The following AP1G1 variants were observed in gnomAD, a reference collection of about 807,000 sequenced individuals.
AP1G1 encodes the protein AP-1 complex subunit gamma-1.
A neutral mutation model predicts 108.3 loss-of-function variants in AP1G1; 7 were observed. The ratio of observed to expected loss-of-function variants is 0.06; its 90% confidence interval spans 0.04 to 0.12. AP1G1 has a LOEUF of 0.12. Among genes scored for constraint, AP1G1 ranks in the 10% least tolerant of loss-of-function variants. AP1G1 has a pLI of 1.00. For synonymous variants in AP1G1, 379 were observed against 353.5 expected, an observed-to-expected ratio of 1.07 and a Z score of -0.81; for missense variants, 756 against 1,010.7, an observed-to-expected ratio of 0.75 and a Z score of 3.42.
intron 12 of AP1G1, among the ~76,000 whole-genome samples, chr16:71,754,392 G>T (rs1327862355): frequency 6.6e-6 from 1 of 152,028 alleles, no homozygotes; most frequent in Non-Finnish European, 1.5e-5. Context: ...AAAGAAAAGA[G>T]AAGAAAATCC....
chr16:71,789,993 C>T (rs1445057539), intron 1 of AP1G1, among the ~76,000 whole-genome samples: 1 of 151,958 alleles, frequency 6.6e-6, no homozygotes, highest in Non-Finnish European at 1.5e-5. Flanking sequence ...ATTCAACAAA[C>T]TGTAACCATC....
Position 71,801,300 on chromosome 16 carries a change from A to C in AP1G1, c.-4+7463T>G, listed in dbSNP as rs76963434. Among the ~76,000 whole-genome samples the C allele has an allele frequency of 1.6e-4, 24 of 150,856 alleles. No individual in the cohort carries two copies. In the South Asian group the frequency reaches 2.6e-3, roughly 16 times the overall value. On this transcript the variant is annotated intron_variant, in intron 1 of 22. Transcript: ENST00000299980. ...ATCTCAAAAAAAACAAACAAACAAA[A>C]AAAAAGAATTATATTTACTGACCAT...
At chr16:71,798,984 A>C (rs1012668454) in intron 1 of AP1G1, among the ~76,000 whole-genome samples, 4 of 152,174 alleles carry the variant, frequency 2.6e-5, no homozygotes, top group African/African-American at 9.7e-5. Context: ...CAGGAGGAAA[A>C]AAAAAGAGAA....
intron 3 of AP1G1, among the ~76,000 whole-genome samples, chr16:71,774,068 A>G (rs1466707303): frequency 7.3e-6 from 1 of 136,946 alleles, no homozygotes; most frequent in African/African-American, 2.7e-5. Flanking sequence ...TCTCAAAAAG[A>G]AAAAAAAAAA....
intron 8 of AP1G1, 59 bp from the exon 9 acceptor site, chr16:71,764,507 T>C (rs1490254013): frequency 2.1e-5 from 28 of 1,338,660 alleles, no homozygotes; most frequent in Non-Finnish European, 2.9e-5. Flanking sequence ...CCAAAACATA[T>C]TCACAGGTAA....
chr16:71,731,634 A>G lies in AP1G1; in HGVS notation c.*1424T>C, dbSNP rs1377907353. 2.0e-5 allele frequency: 3 copies of G among 152,670 alleles called. No individual in the cohort carries two copies. The highest frequency in any genetic ancestry group is 7.2e-5 in the African/African-American group (3 of 41,566). The allele number at this position is 152,670 out of a possible 1,614,324, so 9.5% of individuals were successfully genotyped here. A position where few individuals can be genotyped will look rare whatever the true frequency, so the allele number is the denominator to read the frequency against. On this transcript the variant is annotated 3_prime_UTR_variant, in exon 23 of 23. Transcript: ENST00000299980. ...GAGAGAGTCACCTCTACTTCATTCC[A>G]GCAACTCAATTTCAAAGTTTGATAA...
chr16:71,789,914 C>T (rs1042246030), intron 1 of AP1G1, among the ~76,000 whole-genome samples: 4 of 152,070 alleles, frequency 2.6e-5, no homozygotes, highest in South Asian at 4.1e-4. Context: ...TAAATATGGT[C>T]ACAATCATAG....
intron 11 of AP1G1, 109 bp from the exon 12 acceptor site, chr16:71,756,268 C>T: frequency 1.1e-6 from 1 of 876,394 alleles, no homozygotes; most frequent in South Asian, 2.2e-5. Flanking sequence ...GTGCTGACGT[C>T]CTTGCACGAT....
At chr16:71,734,382 A>C (rs1297606619) in intron 22 of AP1G1, among the ~76,000 whole-genome samples, 1 of 152,198 alleles carries the variant, frequency 6.6e-6, no homozygotes, top group East Asian at 1.9e-4. Flanking sequence ...CCAGACCTTT[A>C]ATCTAGCTTT....
chr16:71,754,540 T>C (rs1241028871), intron 12 of AP1G1, among the ~76,000 whole-genome samples: 3 of 152,224 alleles, frequency 2.0e-5, no homozygotes, highest in Non-Finnish European at 4.4e-5. Context: ...CTCATGCCTA[T>C]AATCCCAGTA....
intron 6 of AP1G1, among the ~76,000 whole-genome samples, chr16:71,768,836 T>G (rs1210380672): frequency 2.2e-5 from 3 of 133,860 alleles, no homozygotes; most frequent in Non-Finnish European, 4.6e-5. Context: ...GAGAATGGCA[T>G]GAACCCGGGA....
At chr16:71,804,213 A>G (rs1056456020) in intron 1 of AP1G1, among the ~76,000 whole-genome samples, 2 of 150,138 alleles carry the variant, frequency 1.3e-5, no homozygotes, top group Admixed American at 1.3e-4. Flanking sequence ...TGCCCAGCTA[A>G]TTTTTCTATT....
chr16:71,739,989 A>C (rs1430047230), intron 19 of AP1G1, among the ~76,000 whole-genome samples: 3 of 152,240 alleles, frequency 2.0e-5, no homozygotes, highest in African/African-American at 7.2e-5. Flanking sequence ...AGTGGAATTT[A>C]AAATTATAGT....
chr16:71,736,115 AAAATATAT>A (rs1372469643), intron 21 of AP1G1, among the ~76,000 whole-genome samples: 11 of 73,532 alleles, frequency 1.5e-4, no homozygotes, highest in Admixed American at 3.2e-4. Context: ...AAAAAAAAAA[AAAATATAT>A]ATATATATAT....
chr16:71,783,207 G>A (rs2032087414), intron 2 of AP1G1, among the ~76,000 whole-genome samples: 1 of 151,890 alleles, frequency 6.6e-6, no homozygotes, highest in South Asian at 2.1e-4. Context: ...TCACTTATTT[G>A]CAATAATGTA....
chr16:71,763,709 T>C (rs550366391), intron 9 of AP1G1, among the ~76,000 whole-genome samples: 1 of 152,308 alleles, frequency 6.6e-6, no homozygotes, highest in South Asian at 2.1e-4. Flanking sequence ...CTAGATACTA[T>C]AATGCTACCG....
intron 1 of AP1G1, among the ~76,000 whole-genome samples, chr16:71,796,166 G>A (rs901228395): frequency 4.6e-5 from 7 of 152,146 alleles, no homozygotes; most frequent in Admixed American, 3.9e-4. Flanking sequence ...TTGAGCCAAG[G>A]GGACTTGGGT....
Position 71,765,548 on chromosome 16 carries a change from T to C in AP1G1, c.679A>G (p.Ile227Val), listed in dbSNP as rs1187907636. The change falls in exon 7 of 23, where the codon ATC becomes GTC. Residue 227 changes from isoleucine to valine, a missense_variant. By Grantham distance (29) the Ile-to-Val change is conservative. Coordinates refer to ENST00000299980, the MANE Select transcript of AP1G1 (RefSeq NM_001128.6). ...PQLVRILKNL[I>V]MSGYSPEHDV... ...TGTTCTGGTGAATATCCGGACATGA[T>C]GAGGTTCTTTAAAATACGAACTAAT... The C allele has an allele frequency of 3.1e-6, 5 of 1,613,544 alleles. No individual in the cohort carries two copies. The African/African-American group carries it at 5.3e-5, about 17-fold the overall frequency.
rs376383700 is a variant in AP1G1 at position 71,758,198 on chromosome 16, A to G, written c.1088+610T>C. Among the ~76,000 whole-genome samples the G allele has an allele frequency of 2.3e-4, 35 of 152,286 alleles. 1 individual carries two copies. In the East Asian group the frequency reaches 3.3e-3, roughly 14 times the overall value. ...GTTCTAGATTTGAACATACAACCAA[A>G]AGTTCAGAGGCCAACTTTAGCTAAG... On this transcript the variant is annotated intron_variant, in intron 11 of 22. Transcript: ENST00000299980.
Sources: gnomAD v4.1 joint callset for allele counts (sites outside exome capture counted in the v4.1 genomes callset) on GRCh38, gnomAD v4.1.1 for gene constraint, MANE v1.5 for transcripts, NCBI Gene and HGNC (gene_info 2026-07-23, HGNC 2026-07-21) for gene names.